Variants in SEC22A observed in about 807,000 individuals in gnomAD.
The protein encoded by SEC22A is vesicle-trafficking protein SEC22a.
In SEC22A, 22 loss-of-function variants were observed where a neutral mutation model predicts 35.3. The ratio of observed to expected loss-of-function variants is 0.62; its 90% CI spans 0.45 to 0.89. The LOEUF (loss-of-function observed/expected upper bound fraction) is 0.89, where lower values mean the gene tolerates loss of function less well. Ranked by LOEUF, SEC22A falls within the 40% of genes least tolerant of loss-of-function variation. The pLI is 0.00. For synonymous variants in SEC22A, 119 were observed against 129.5 expected (o/e 0.92, Z 0.55); for missense variants, 354 against 362.5 (o/e 0.98, Z 0.19).
At position 123,225,217 on chromosome 3, in the gene SEC22A, C is replaced by T. The variant is rs768031568; in HGVS notation, c.461C>T (p.Ser154Phe). ...EIKLRPPYQISMCELGSANGV... is the reference protein window; with the variant it reads ...EIKLRPPYQIFMCELGSANGV... ...AAGCTGAGGCCTCCTTATCAAATTT[C>T]CATGTGCGAACTGGGGTCAGCCAAT... is the stretch of plus-strand genomic sequence containing the variant. The change falls in exon 4 of 7, where the codon TCC becomes TTC. Residue 154 changes from serine to phenylalanine, a missense_variant. Ser to Phe is a radical substitution (Grantham distance 155). Coordinates refer to ENST00000492595, the MANE Select transcript of SEC22A (RefSeq NM_012430.5). 8.7e-6 allele frequency: 14 copies of T among 1,613,590 alleles called. No individual in the cohort carries two copies. The highest frequency in any genetic ancestry group is 5.3e-5 in the African/African-American group (4 of 74,912).
intron 6 of SEC22A, among the ~76,000 whole-genome samples, chr3:123,270,960 A>G (rs1434727448): frequency 6.6e-6 from 1 of 152,236 alleles, no homozygotes; most frequent in African/African-American, 2.4e-5. Flanking sequence ...CTGAAGAACA[A>G]TGCCTGACTT....
chr3:123,263,950 T>C (rs544052761), intron 6 of SEC22A, among the ~76,000 whole-genome samples: 3 of 152,140 alleles, frequency 2.0e-5, no homozygotes, highest in Admixed American at 1.3e-4. Flanking sequence ...AGACAAGGTA[T>C]TGCTCTGTCA....
intron 2 of SEC22A, among the ~76,000 whole-genome samples, chr3:123,221,180 T>C (rs1937116390): frequency 6.6e-6 from 1 of 151,744 alleles, no homozygotes; most frequent in South Asian, 2.1e-4. Flanking sequence ...CAGTAAAAAT[T>C]ACTGTGTAGG....
chr3:123,209,931 G>C (rs1028058378), intron 2 of SEC22A, among the ~76,000 whole-genome samples: 3 of 152,210 alleles, frequency 2.0e-5, no homozygotes, highest in African/African-American at 7.2e-5. Flanking sequence ...TGGATGAAGA[G>C]CAAGGCAGAG....
At chr3:123,202,627 G>A (rs1936768882) in intron 1 of SEC22A, among the ~76,000 whole-genome samples, 3 of 152,130 alleles carry the variant, frequency 2.0e-5, no homozygotes, top group Admixed American at 2.0e-4. Context: ...AAAAGAAAAG[G>A]ACAAGCCCCA....
intron 5 of SEC22A, among the ~76,000 whole-genome samples, chr3:123,252,611 ACT>A (rs1220722355): frequency 2.6e-5 from 4 of 152,102 alleles, no homozygotes; most frequent in South Asian, 2.1e-4. Context: ...AATTCTAAAC[ACT>A]CTTTCTGAAT....
At position 123,214,020 on chromosome 3, in the gene SEC22A, CTAAAAA is replaced by C. The variant is rs1182573885; in HGVS notation, c.182+4628_182+4633del. Reference sequence around the variant, plus strand: ...ACAACATGGTGAAACCCTGTCTCTACTAAAAATAAAAAAAATAAAAAATAAAAAGCC... The same window carrying C: ...ACAACATGGTGAAACCCTGTCTCTACTAAAAAAAATAAAAAATAAAAAGCC... On this transcript the variant is annotated intron_variant, in intron 2 of 6. Transcript: ENST00000492595. 2.1e-5 allele frequency among the ~76,000 whole-genome samples: 3 copies of C among 142,894 alleles called. No homozygotes were observed. In the East Asian group the frequency reaches 6.0e-4, roughly 29 times the overall value. The allele number at this position is 142,894 out of a possible 152,430, so 93.7% of individuals were successfully genotyped here.
chr3:123,253,195 C>T (rs1264328195), intron 5 of SEC22A, among the ~76,000 whole-genome samples: 2 of 152,158 alleles, frequency 1.3e-5, no homozygotes, highest in African/African-American at 4.8e-5. Context: ...CTTTGTGACC[C>T]TGCATGGGTT....
intron 4 of SEC22A, among the ~76,000 whole-genome samples, chr3:123,242,941 A>C (rs950672289): frequency 2.0e-5 from 3 of 152,070 alleles, no homozygotes; most frequent in African/African-American, 4.8e-5. Flanking sequence ...TTAATAGATT[A>C]ATCTTCTTTA....
chr3:123,270,492 T>C (rs1938133692), intron 6 of SEC22A, among the ~76,000 whole-genome samples: 1 of 152,210 alleles, frequency 6.6e-6, no homozygotes, highest in Admixed American at 6.5e-5. Flanking sequence ...GTGGTTCCTA[T>C]ACTTACCAGG....
At chr3:123,265,689 G>A (rs768499745) in intron 6 of SEC22A, among the ~76,000 whole-genome samples, 9 of 151,848 alleles carry the variant, frequency 5.9e-5, no homozygotes, top group East Asian at 1.9e-4. Context: ...TATATTTTAC[G>A]TTTGTGATCC....
At chr3:123,253,712 C>CAAAAAAAAAAAAAAAAAAA (rs550562079) in intron 5 of SEC22A, among the ~76,000 whole-genome samples, 1 of 103,232 alleles carries the variant, frequency 9.7e-6, no homozygotes, top group African/African-American at 3.5e-5. Context: ...GACTCCATCT[C>CAAAAAAAAAAAAAAAAAAA]AAAAAAAAAA....
chr3:123,247,391 G>A (rs1381531778), intron 5 of SEC22A, among the ~76,000 whole-genome samples: 2 of 152,158 alleles, frequency 1.3e-5, no homozygotes, highest in African/African-American at 4.8e-5. Context: ...CTGGGGCTTA[G>A]ACTGCATTAA....
intron 2 of SEC22A, among the ~76,000 whole-genome samples, chr3:123,215,115 A>C (rs1936999275): frequency 6.6e-6 from 1 of 152,214 alleles, no homozygotes; most frequent in South Asian, 2.1e-4. Context: ...TGACATTATC[A>C]TTAAGCTTTC....
At chr3:123,208,841 C>T (rs1237212997) in intron 1 of SEC22A, 1 of 220,070 alleles carries the variant, frequency 4.5e-6, no homozygotes, top group African/African-American at 2.3e-5. Flanking sequence ...GTCGCCCAGG[C>T]TGGAGCTCAG....
At chr3:123,209,609 C>T (rs1936906087) in intron 2 of SEC22A, among the ~76,000 whole-genome samples, 1 of 152,166 alleles carries the variant, frequency 6.6e-6, no homozygotes, top group South Asian at 2.1e-4. Context: ...TATAGTTGTG[C>T]AGATCATAGA....
intron 5 of SEC22A, among the ~76,000 whole-genome samples, chr3:123,258,984 A>G (rs1351279258): frequency 6.6e-6 from 1 of 152,198 alleles, no homozygotes; most frequent in Non-Finnish European, 1.5e-5. Context: ...CTAGCATAGC[A>G]TGCAAGACTG....
At position 123,234,951 on chromosome 3, in the gene SEC22A, A is replaced by G. The variant is rs1353930168; in HGVS notation, c.541+9654A>G. The stretch of plus-strand genomic sequence containing the variant: ...GGTGGGAGGACGGCTTGAGCCTAGG[A>G]GGCGGAGGTTACAGTGAGCTGAGAT... On this transcript the variant is annotated intron_variant, in intron 4 of 6. Transcript: ENST00000492595. 4.6e-5 allele frequency among the ~76,000 whole-genome samples: 7 copies of G among 151,534 alleles called. 1 individual carries two copies. In the South Asian group the frequency reaches 1.5e-3, roughly 32 times the overall value.
intron 4 of SEC22A, among the ~76,000 whole-genome samples, chr3:123,227,555 T>C (rs555465234): frequency 6.6e-6 from 1 of 152,152 alleles, no homozygotes; most frequent in African/African-American, 2.4e-5. Flanking sequence ...TGTATACTTA[T>C]GTAACAAACC....
Sources: gnomAD v4.1 joint callset for allele counts (sites outside exome capture counted in the v4.1 genomes callset) on GRCh38, gnomAD v4.1.1 for gene constraint, MANE v1.5 for transcripts, NCBI Gene and HGNC (gene_info 2026-07-23, HGNC 2026-07-21) for gene names.